Variants in BCAS3 observed in about 807,000 individuals in gnomAD.
The protein encoded by BCAS3 is BCAS4/BCAS3 fusion.
BCAS3 carries 53 observed loss-of-function variants against 116.1 expected under a neutral mutation model. That is an observed-to-expected ratio of 0.46 (90% confidence interval 0.37 to 0.57). The LOEUF is 0.57. Ranked by LOEUF, BCAS3 falls within the 20% of genes least tolerant of loss-of-function variation. The pLI, the probability that BCAS3 is intolerant of heterozygous loss-of-function variation, is 0.00. For synonymous variants in BCAS3, 391 were observed against 408.2 expected, an observed-to-expected ratio of 0.96 and a Z score of 0.51; for missense variants, 917 against 1,165.4, an observed-to-expected ratio of 0.79 and a Z score of 3.10.
At chr17:61,207,584 C>T (rs1429227035) in intron 22 of BCAS3, among the ~76,000 whole-genome samples, 2 of 151,784 alleles carry the variant, frequency 1.3e-5, no homozygotes, top group Admixed American at 6.6e-5. Context: ...GATGGCTTCC[C>T]TATGGATGTT....
rs115929902 is a variant in BCAS3 at position 61,136,296 on chromosome 17, G to C, written c.2425+51732G>C. 3.1e-3 allele frequency among the ~76,000 whole-genome samples: 467 copies of C among 152,196 alleles called. 3 individuals are homozygous for C. Among genetic ancestry groups the C allele is most frequent in the African/African-American group, 0.011 (452 of 41,534 alleles). Reference sequence around the variant, plus strand: ...CCTGGAGCATCTTGGACATAGCTTTGTTTCCACCTTGCATTCACCCACTAG... The same window carrying C: ...CCTGGAGCATCTTGGACATAGCTTTCTTTCCACCTTGCATTCACCCACTAG... On this transcript the variant is annotated intron_variant, in intron 22 of 23. Coordinates refer to ENST00000407086, the MANE Select transcript of BCAS3 (RefSeq NM_017679.5). This position sits in a 1 kb window ranked among gnomAD's most constrained non-coding sequence, Gnocchi z 4.4.
chr17:61,094,244 A>G (rs8074852), intron 22 of BCAS3, among the ~76,000 whole-genome samples: 152,344 of 152,380 alleles, frequency 1, 76,154 homozygotes, highest in Middle Eastern at 1. Flanking sequence ...CTTGTGTAAC[A>G]TCTTAATATT....
intron 6 of BCAS3, among the ~76,000 whole-genome samples, chr17:60,779,138 G>C (rs778446876): frequency 2.0e-5 from 3 of 151,872 alleles, no homozygotes; most frequent in Non-Finnish European, 2.9e-5. Flanking sequence ...CTAAAATTTG[G>C]AGCCTGTTTG....
At chr17:61,373,038 G>A (rs1369868345) in intron 23 of BCAS3, among the ~76,000 whole-genome samples, 2 of 151,354 alleles carry the variant, frequency 1.3e-5, no homozygotes, top group African/African-American at 4.9e-5. Flanking sequence ...TCACACATCT[G>A]ATATCAAAAG....
chr17:61,045,987 ATTTATATATATAT>A lies in BCAS3; in HGVS notation c.2029+5096_2029+5108del, dbSNP rs2068174132. The stretch of plus-strand genomic sequence containing the variant: ...TATAATATATATATATTATATATAT[ATTTATATATATAT>A]AATATATATATTTATATATATATTA... On this transcript the variant is annotated intron_variant, in intron 19 of 23. Coordinates refer to ENST00000407086, the MANE Select transcript of BCAS3 (RefSeq NM_017679.5). 2.1e-4 allele frequency among the ~76,000 whole-genome samples: 2 copies of A among 9,434 alleles called. 1 individual carries two copies. Among genetic ancestry groups the A allele is most frequent in the Non-Finnish European group, 2.7e-4 (2 of 7,330 alleles). 6.2% of individuals were successfully genotyped at this position (9,434 alleles called of 152,430 possible). A position where few individuals can be genotyped will look rare whatever the true frequency, so the allele number is the denominator to read the frequency against.
rs1042891340 is a variant in BCAS3, at chr17:60,760,150, A to G, written c.403+12871A>G. Among the ~76,000 whole-genome samples, 133 of 152,334 alleles carry G rather than the reference A, an allele frequency of 8.7e-4. 1 individual carries two copies. The highest frequency in any genetic ancestry group is 3.9e-4 in the East Asian group (2 of 5,194). The stretch of plus-strand genomic sequence containing the variant: ...TACATTCAGCCAGTCCCTCTCTTTT[A>G]AGCAGATAATTTAATCAATTTACAT... On this transcript the variant is annotated intron_variant, in intron 6 of 23. Coordinates refer to ENST00000407086, the MANE Select transcript of BCAS3 (RefSeq NM_017679.5).
At chr17:60,839,234 C>G (rs2051658931) in intron 7 of BCAS3, among the ~76,000 whole-genome samples, 1 of 152,106 alleles carries the variant, frequency 6.6e-6, no homozygotes, top group Non-Finnish European at 1.5e-5. Flanking sequence ...AAAGAAAACT[C>G]AGCTAATTAT....
chr17:60,820,926 T>C (rs1006207840), intron 7 of BCAS3, among the ~76,000 whole-genome samples: 3 of 152,182 alleles, frequency 2.0e-5, no homozygotes, highest in Non-Finnish European at 4.4e-5. Context: ...AGTAAAATGG[T>C]ATGAATTTTA....
intron 15 of BCAS3, among the ~76,000 whole-genome samples, chr17:61,002,209 CTA>C (rs1217172890): frequency 6.6e-6 from 1 of 151,990 alleles, no homozygotes; most frequent in Non-Finnish European, 1.5e-5. Context: ...TAAATAAACT[CTA>C]TGTAGATATT....
rs1419342814 is a variant in BCAS3, at chr17:61,106,536, A to C, written c.2425+21972A>C. Among the ~76,000 whole-genome samples, 1 of 152,228 alleles carries C rather than the reference A, an allele frequency of 6.6e-6. No individual in the cohort carries two copies. Among genetic ancestry groups the C allele is most frequent in the Non-Finnish European group, 1.5e-5 (1 of 68,046 alleles). ...GTTTGCACAGTGATGAAATCACCTA[A>C]TAACACACTTTCTCAGAACACATCT... On this transcript the variant is annotated intron_variant, in intron 22 of 23. Coordinates refer to ENST00000407086, the MANE Select transcript of BCAS3 (RefSeq NM_017679.5). The surrounding 1 kb of genome is among the most constrained non-coding windows in gnomAD (Gnocchi z 4.2).
In BCAS3 at chr17:61,376,457, G is replaced by A. The variant is rs564721710; in HGVS notation, c.2593+7963G>A. Among the ~76,000 whole-genome samples, 3 of 152,238 alleles carry A rather than the reference G, an allele frequency of 2.0e-5. No homozygotes were observed. The highest frequency in any genetic ancestry group is 7.2e-5 in the African/African-American group (3 of 41,538). On this transcript the variant is annotated intron_variant, in intron 23 of 23. Coordinates refer to ENST00000407086, the MANE Select transcript of BCAS3 (RefSeq NM_017679.5). This position sits in a 1 kb window ranked among gnomAD's most constrained non-coding sequence, Gnocchi z 4.5. ...CTACAGCCACTCTATCAGGCAAACTGGTATTTACCCCAGATACCCAGGAAG... is the reference window on the plus strand; with the variant it reads ...CTACAGCCACTCTATCAGGCAAACTAGTATTTACCCCAGATACCCAGGAAG...
Position 61,013,840 on chromosome 17 carries a change from A to C in BCAS3, c.1487-1911A>C, listed in dbSNP as rs962477509. On this transcript the variant is annotated intron_variant, in intron 15 of 23. Transcript: ENST00000407086. The surrounding 1 kb of genome is among the most constrained non-coding windows in gnomAD (Gnocchi z 4.4). ...AGAAGTAACATTTGGTTAAGCCACTATCCTAATTCTGAAGCCACTGTCATC... is the reference window on the plus strand; with the variant it reads ...AGAAGTAACATTTGGTTAAGCCACTCTCCTAATTCTGAAGCCACTGTCATC... Among the ~76,000 whole-genome samples the C allele has an allele frequency of 6.6e-6, 1 of 152,138 alleles. No individual in the cohort carries two copies. Among genetic ancestry groups the C allele is most frequent in the African/African-American group, 2.4e-5 (1 of 41,446 alleles).
intron 15 of BCAS3, among the ~76,000 whole-genome samples, chr17:60,997,769 T>C (rs1309791886): frequency 2.0e-5 from 3 of 152,220 alleles, no homozygotes; most frequent in African/African-American, 7.2e-5. Context: ...TCTCTAAAAA[T>C]AGTGTTGAAT....
At chr17:60,874,397 AT>A (rs1259626712) in intron 8 of BCAS3, among the ~76,000 whole-genome samples, 1 of 152,116 alleles carries the variant, frequency 6.6e-6, no homozygotes, top group Non-Finnish European at 1.5e-5. Flanking sequence ...AAAGACAAAC[AT>A]TTTTTGAGGT....
intron 5 of BCAS3, among the ~76,000 whole-genome samples, chr17:60,731,662 T>C (rs2144163228): frequency 6.6e-6 from 1 of 152,298 alleles, no homozygotes; most frequent in East Asian, 1.9e-4. Flanking sequence ...TTGTGGGATT[T>C]TAACATTTTC....
intron 7 of BCAS3, among the ~76,000 whole-genome samples, chr17:60,853,409 T>C (rs750879027): frequency 3.9e-5 from 6 of 152,254 alleles, no homozygotes; most frequent in Non-Finnish European, 7.3e-5. Context: ...TTTCAAAATA[T>C]ATGTTTGAAT....
chr17:61,268,793 G>A (rs9901243), intron 22 of BCAS3, among the ~76,000 whole-genome samples: 1 of 152,114 alleles, frequency 6.6e-6, no homozygotes, highest in Non-Finnish European at 1.5e-5. Context: ...CCTGACCTCA[G>A]ATGATCTGCC....
chr17:60,804,503 A>T (rs1233172134), intron 6 of BCAS3, among the ~76,000 whole-genome samples: 1 of 151,974 alleles, frequency 6.6e-6, no homozygotes. Context: ...CACACAAAAA[A>T]CAAAAGGTAG....
chr17:60,850,499 C>T (rs1438500363), intron 7 of BCAS3, among the ~76,000 whole-genome samples: 3 of 151,712 alleles, frequency 2.0e-5, no homozygotes, highest in Non-Finnish European at 2.9e-5. Flanking sequence ...GCTGGGATTA[C>T]AGGCACCCGC....
Sources: allele counts gnomAD v4.1 joint callset (sites outside exome capture counted in the v4.1 genomes callset), GRCh38; gene constraint gnomAD v4.1.1; non-coding constraint Gnocchi (gnomAD v3.1); transcripts MANE v1.5; gene names NCBI Gene and HGNC (gene_info 2026-07-23, HGNC 2026-07-21).